MLXIP: variants seen among roughly 807,000 people sequenced by gnomAD.
MLXIP encodes MLX-interacting protein.
In MLXIP, 30 loss-of-function variants were observed where a neutral mutation model predicts 87.2. The observed-to-expected ratio is 0.34, with a 90% CI of 0.26 to 0.47. The LOEUF is 0.47. Among genes scored for constraint, MLXIP ranks in the 20% least tolerant of loss-of-function variants. MLXIP has a pLI of 1.00. For missense variants in MLXIP, 1,002 were observed against 1,240.1 expected (o/e 0.81, Z 2.88); for synonymous variants, 530 against 514.0 (o/e 1.03, Z -0.42).
intron 1 of MLXIP, among the ~76,000 whole-genome samples, chr12:122,114,889 G>A (rs2135948176): frequency 6.6e-6 from 1 of 152,090 alleles, no homozygotes; most frequent in Non-Finnish European, 1.5e-5. Context: ...GGGATTACAG[G>A]TATGCGCCAC....
intron 1 of MLXIP, among the ~76,000 whole-genome samples, chr12:122,086,756 C>A (rs1287529607): frequency 1.3e-5 from 2 of 152,158 alleles, no homozygotes; most frequent in African/African-American, 4.8e-5. Context: ...CATGCTAATT[C>A]CAGGACTTCG....
chr12:122,099,593 T>G lies in MLXIP; in HGVS notation c.413+20327T>G, dbSNP rs1163297701. 2.0e-5 allele frequency among the ~76,000 whole-genome samples: 3 copies of G among 152,232 alleles called. No homozygotes were observed. In the East Asian group the frequency reaches 5.8e-4, roughly 29 times the overall value. On this transcript the variant is annotated intron_variant, in intron 1 of 16. Coordinates refer to ENST00000319080, the MANE Select transcript of MLXIP (RefSeq NM_014938.6). ...TTTGGTCTGATGTCTGTCCCTATCA[T>G]GTGTATGATGCCTCAGGCTACAAAT...
chr12:122,141,890 C>T lies in MLXIP; in HGVS notation c.*78C>T. 6.4e-7 allele frequency: 1 copy of T among 1,570,700 alleles called. No individual in the cohort carries two copies. The highest frequency in any genetic ancestry group is 8.6e-7 in the Non-Finnish European group (1 of 1,159,262). Reference sequence around the variant, plus strand: ...ATGGAGAGTAGGCTGCGCCCCCCAGCCCTTCCTGACGCTCAGCCTCGGGGC... The same window carrying T: ...ATGGAGAGTAGGCTGCGCCCCCCAGTCCTTCCTGACGCTCAGCCTCGGGGC... On this transcript the variant is annotated 3_prime_UTR_variant, in exon 17 of 17. Transcript: ENST00000319080.
chr12:122,135,964 A>C lies in MLXIP; in HGVS notation c.2032+298A>C. 1.2e-5 allele frequency: 4 copies of C among 321,006 alleles called. No individual in the cohort carries two copies. The highest frequency in any genetic ancestry group is 1.1e-5 in the Non-Finnish European group (2 of 174,178). The allele number at this position is 321,006 out of a possible 1,614,324, so 19.9% of individuals were successfully genotyped here. A position where few individuals can be genotyped will look rare whatever the true frequency, so the allele number is the denominator to read the frequency against. ...GGCCTGGTACTGAGCTGCTGATCTC[A>C]CCCAGAGAAGGGATTGAGGAGCCCT... On this transcript the variant is annotated intron_variant, in intron 11 of 16. Transcript: ENST00000319080. This position sits in a 1 kb window ranked among gnomAD's most constrained non-coding sequence, Gnocchi z 5.3.
intron 1 of MLXIP, among the ~76,000 whole-genome samples, chr12:122,124,902 C>T (rs914479375): frequency 3.3e-5 from 5 of 152,140 alleles, no homozygotes; most frequent in African/African-American, 7.2e-5. Flanking sequence ...CTTGGTGGCT[C>T]ACGCCTGTAA....
chr12:122,089,464 G>T (rs1952215107), intron 1 of MLXIP, among the ~76,000 whole-genome samples: 1 of 152,138 alleles, frequency 6.6e-6, no homozygotes, highest in Admixed American at 6.5e-5. Context: ...CTTTTAAATT[G>T]CCTCTTTTGT....
chr12:122,120,637 G>T (rs1952763597), intron 1 of MLXIP, among the ~76,000 whole-genome samples: 1 of 152,180 alleles, frequency 6.6e-6, no homozygotes, highest in Non-Finnish European at 1.5e-5. Context: ...TCAGCAGATG[G>T]TGGCCAAAAT....
At chr12:122,128,050 G>T in intron 3 of MLXIP, 82 bp downstream of exon 3, 1 of 1,244,068 alleles carries the variant, frequency 8.0e-7, no homozygotes, top group South Asian at 1.2e-5. Context: ...GGCTGGTCCT[G>T]TAGGAGAGGC....
At position 122,135,323 on chromosome 12, in the gene MLXIP, T is replaced by C. The variant is rs760823576; in HGVS notation, c.1832T>C (p.Ile611Thr). The change falls in exon 10 of 17, where the codon ATT becomes ACT. Residue 611 changes from isoleucine to threonine, a missense_variant. This residue lies in a region of MLXIP where 746 missense variants were observed against 897.0 expected (regional missense o/e 0.83). Coordinates refer to ENST00000319080, the MANE Select transcript of MLXIP (RefSeq NM_014938.6). The surrounding 1 kb of genome is among the most constrained non-coding windows in gnomAD (Gnocchi z 5.3). The stretch of plus-strand genomic sequence containing the variant: ...ACCGTGTCCCAGTCCAACGTGGTCA[T>C]TGCGCCTGCTGCCATCGCCAGGGTG... ...ASTVSQSNVV[I>T]APAAIARAPG... 2 of 1,613,574 alleles carry C rather than the reference T, an allele frequency of 1.2e-6. No individual in the cohort carries two copies. Among genetic ancestry groups the C allele is most frequent in the South Asian group, 2.2e-5 (2 of 91,082 alleles).
At position 122,078,999 on chromosome 12, in the gene MLXIP, C is replaced by T. The variant is rs1215748051; in HGVS notation, c.146C>T (p.Pro49Leu). The T allele has an allele frequency of 5.3e-5, 60 of 1,132,370 alleles. No individual in the cohort carries two copies. The highest frequency in any genetic ancestry group is 6.5e-5 in the Non-Finnish European group (60 of 927,250). 70.1% of individuals were successfully genotyped at this position (1,132,370 alleles called of 1,614,324 possible). The change falls in exon 1 of 17, where the codon CCG becomes CTG. Residue 49 changes from proline to leucine, a missense_variant. Pro to Leu is a moderately conservative substitution (Grantham distance 98). Around this residue, in one of 3 missense-constraint regions of MLXIP, gnomAD observed 129 missense variants for 104.2 expected, o/e 1.24. Transcript: ENST00000319080. ...CCGCCCGCCTCCGGCGCGGCCACCCCGGCCCGGGCCCACGCGAGCGCCGCG... is the reference window on the plus strand; with the variant it reads ...CCGCCCGCCTCCGGCGCGGCCACCCTGGCCCGGGCCCACGCGAGCGCCGCG... ...SPPPASGAAT[P>L]ARAHASAAPP...
In MLXIP at chr12:122,137,433, A is replaced by G. The variant is rs772634614; in HGVS notation, c.2033-36A>G. 28 of 1,594,418 alleles carry G rather than the reference A, an allele frequency of 1.8e-5. No individual in the cohort carries two copies. The South Asian group carries it at 2.7e-4, about 15-fold the overall frequency. On this transcript the variant is annotated intron_variant, in intron 11 of 16. Coordinates refer to ENST00000319080, the MANE Select transcript of MLXIP (RefSeq NM_014938.6). The surrounding 1 kb of genome is among the most constrained non-coding windows in gnomAD (Gnocchi z 4.1). ...TGCCTCCTGGTGGCGTTGAGGGGCCAGGCCTCCGCCCCTCAGAGGAGTCTG... is the reference window on the plus strand; with the variant it reads ...TGCCTCCTGGTGGCGTTGAGGGGCCGGGCCTCCGCCCCTCAGAGGAGTCTG...
intron 1 of MLXIP, among the ~76,000 whole-genome samples, chr12:122,084,022 C>T (rs1182996801): frequency 6.6e-6 from 1 of 152,158 alleles, no homozygotes; most frequent in Non-Finnish European, 1.5e-5. Context: ...TGAAAAAACA[C>T]AGTCTCTCTC....
intron 1 of MLXIP, among the ~76,000 whole-genome samples, chr12:122,119,683 G>A (rs998503850): frequency 6.6e-6 from 1 of 152,200 alleles, no homozygotes; most frequent in African/African-American, 2.4e-5. Context: ...GAGCCACCGC[G>A]CCTGGCGATA....
chr12:122,132,259 T>G, intron 7 of MLXIP, 33 bp from the exon 8 acceptor site: 7 of 1,532,328 alleles, frequency 4.6e-6, no homozygotes, highest in South Asian at 1.2e-5. Flanking sequence ...CTGGGCACAC[T>G]GAGCTCAGAA....
intron 1 of MLXIP, among the ~76,000 whole-genome samples, chr12:122,111,576 C>T (rs1034984976): frequency 6.6e-5 from 10 of 152,118 alleles, no homozygotes; most frequent in African/African-American, 1.2e-4. Flanking sequence ...GTGGCTTAGC[C>T]GTTTGGTCAG....
At position 122,134,428 on chromosome 12, in the gene MLXIP, G is replaced by A. The variant is rs549268844; in HGVS notation, c.1732+441G>A. The A allele has an allele frequency of 2.2e-4, 33 of 152,240 alleles. No individual in the cohort carries two copies. The South Asian group carries it at 5.3e-3, about 24-fold the overall frequency. 9.4% of individuals were successfully genotyped at this position (152,240 alleles called of 1,614,324 possible). On this transcript the variant is annotated intron_variant, in intron 9 of 16. Coordinates refer to ENST00000319080, the MANE Select transcript of MLXIP (RefSeq NM_014938.6). ...TGTCGCCTAGCTGGAGTGCAGTGGT[G>A]TGATCTCGGCTCACTGCAACCTCCG...
At chr12:122,126,653 G>T (rs7485447) in intron 1 of MLXIP, among the ~76,000 whole-genome samples, 76,747 of 151,954 alleles carry the variant, frequency 0.51, 19,889 homozygotes, top group Middle Eastern at 0.64. Context: ...AGCCTGGTTT[G>T]CACTCTGTGG....
chr12:122,129,646 G>A lies in MLXIP; in HGVS notation c.738+17G>A. ...CTGGTCCAGGTGGGTGAGCCTGGGA[G>A]CTCTGAGGACCCCCACTTTGACATG... On this transcript the variant is annotated intron_variant, in intron 5 of 16. Coordinates refer to ENST00000319080, the MANE Select transcript of MLXIP (RefSeq NM_014938.6). The A allele has an allele frequency of 6.3e-7, 1 of 1,578,252 alleles. No individual in the cohort carries two copies. The highest frequency in any genetic ancestry group is 1.1e-5 in the South Asian group (1 of 89,746).
chr12:122,100,514 CAT>C (rs922089751), intron 1 of MLXIP, among the ~76,000 whole-genome samples: 28 of 152,162 alleles, frequency 1.8e-4, no homozygotes, highest in African/African-American at 4.8e-4. Flanking sequence ...TATTTAGAAA[CAT>C]ATTTTTGAAT....
Sources: allele counts gnomAD v4.1 joint callset (sites outside exome capture counted in the v4.1 genomes callset), GRCh38; gene constraint gnomAD v4.1.1; regional missense constraint gnomAD v4.1.1; non-coding constraint Gnocchi (gnomAD v3.1); transcripts MANE v1.5; gene names NCBI Gene and HGNC (gene_info 2026-07-23, HGNC 2026-07-21).